HTT-AS: variants seen among roughly 807,000 people sequenced by gnomAD.
The protein encoded by HTT-AS is HTT antisense RNA (head to head).
chr4:3,059,246 C>G (rs752376897), intron 2 of HTT-AS, among the ~76,000 whole-genome samples: 1 of 152,176 alleles, frequency 6.6e-6, no homozygotes, highest in East Asian at 1.9e-4. Context: ...TCGGAGAAGG[C>G]GAATTCATCT....
At chr4:3,067,856 CT>C (rs1712084250) in intron 1 of HTT-AS, among the ~76,000 whole-genome samples, 1 of 152,202 alleles carries the variant, frequency 6.6e-6, no homozygotes, top group African/African-American at 2.4e-5. Flanking sequence ...AACAAGCAGA[CT>C]TGTCTCTCCT....
At chr4:3,073,393 C>T (rs1578472890) in intron 1 of HTT-AS, among the ~76,000 whole-genome samples, 1 of 152,234 alleles carries the variant, frequency 6.6e-6, no homozygotes, top group Non-Finnish European at 1.5e-5. Context: ...CTGCCCGCCA[C>T]GGCCTGTGTC....
chr4:3,070,768 T>C lies in HTT-AS; in HGVS notation n.113+3658A>G, dbSNP rs531661456. Among the ~76,000 whole-genome samples, 7 of 152,340 alleles carry C rather than the reference T, an allele frequency of 4.6e-5. 1 individual carries two copies. The highest frequency in any genetic ancestry group is 1.7e-4 in the African/African-American group (7 of 41,574). On this transcript the variant is annotated intron_variant and non_coding_transcript_variant, in intron 1 of 2. Transcript: ENST00000664062. Reference sequence around the variant, plus strand: ...TTGGGATTCCTTTAACTCAGCTCCTTCTGCCCAGCATCTATCTTTTTTCCA... The same window carrying C: ...TTGGGATTCCTTTAACTCAGCTCCTCCTGCCCAGCATCTATCTTTTTTCCA...
downstream of HTT-AS, among the ~76,000 whole-genome samples, chr4:3,048,040 C>T (rs529540491): frequency 4.6e-3 from 707 of 152,270 alleles, 3 homozygotes; most frequent in Non-Finnish European, 7.2e-3. Context: ...TGTCTTGTAT[C>T]CAATAAGTAA....
intron 1 of HTT-AS, among the ~76,000 whole-genome samples, chr4:3,066,605 A>C (rs918848328): frequency 6.6e-6 from 1 of 152,190 alleles, no homozygotes; most frequent in Non-Finnish European, 1.5e-5. Context: ...ACTTGGAAGT[A>C]AACCAGCTCT....
chr4:3,061,986 TA>T (rs548695397), intron 2 of HTT-AS, among the ~76,000 whole-genome samples: 6,448 of 63,294 alleles, frequency 0.1, 171 homozygotes, highest in South Asian at 0.14. Flanking sequence ...TATCTCAAAT[TA>T]AAAAAAAAAA....
At chr4:3,048,028 C>T (rs542436101), downstream of HTT-AS, among the ~76,000 whole-genome samples, 51 of 152,298 alleles carry the variant, frequency 3.3e-4, no homozygotes, top group African/African-American at 1.1e-3. Context: ...ACCCTGCCCC[C>T]TTGTCTTGTA....
At chr4:3,051,286 A>T (rs1224823371) in intron 2 of HTT-AS, among the ~76,000 whole-genome samples, 1 of 151,952 alleles carries the variant, frequency 6.6e-6, no homozygotes, top group Admixed American at 6.6e-5. Context: ...GCTGGTCTCG[A>T]ACTCCCGACC....
chr4:3,050,809 T>TG (rs144261209), intron 2 of HTT-AS, among the ~76,000 whole-genome samples: 1,745 of 152,282 alleles, frequency 0.011, 28 homozygotes, highest in African/African-American at 0.04. Context: ...ATGCTTCCCA[T>TG]GTAACTTAAC....
At chr4:3,057,123 T>G (rs1330751050) in intron 2 of HTT-AS, among the ~76,000 whole-genome samples, 2 of 151,772 alleles carry the variant, frequency 1.3e-5, no homozygotes, top group Non-Finnish European at 2.9e-5. Flanking sequence ...AACCTCTGCC[T>G]CCCGGGTTCA....
downstream of HTT-AS, among the ~76,000 whole-genome samples, chr4:3,046,603 A>G (rs957297276): frequency 1.3e-5 from 2 of 152,246 alleles, no homozygotes; most frequent in Non-Finnish European, 2.9e-5. Context: ...AACTTTAGTC[A>G]TTGATGTCAC....
At position 3,059,011 on chromosome 4, in the gene HTT-AS, C is replaced by A. The variant is rs530732973; in HGVS notation, n.1380+3423G>T. Among the ~76,000 whole-genome samples the A allele has an allele frequency of 2.0e-5, 3 of 152,290 alleles. No individual in the cohort carries two copies. The South Asian group carries it at 6.2e-4, about 32-fold the overall frequency. ...TTGGGATTACAAGCATGAGCTACCCCACCCAGCTCATTTTACATTTCCACT... is the reference window on the plus strand; with the variant it reads ...TTGGGATTACAAGCATGAGCTACCCAACCCAGCTCATTTTACATTTCCACT... On this transcript the variant is annotated intron_variant and non_coding_transcript_variant, in intron 2 of 2. Coordinates refer to ENST00000664062, the Ensembl canonical transcript of HTT-AS.
chr4:3,073,060 G>A (rs1003758840), intron 1 of HTT-AS, among the ~76,000 whole-genome samples: 30 of 152,206 alleles, frequency 2.0e-4, no homozygotes, highest in Admixed American at 7.9e-4. Context: ...CAAGAACTGG[G>A]AACTAACAGC....
chr4:3,072,955 C>T (rs1472294408), intron 1 of HTT-AS, among the ~76,000 whole-genome samples: 1 of 152,094 alleles, frequency 6.6e-6, no homozygotes, highest in East Asian at 1.9e-4. Context: ...GAGACAGTGT[C>T]GCTCTATCAC....
chr4:3,073,836 C>T (rs564384178), intron 1 of HTT-AS, among the ~76,000 whole-genome samples: 3 of 152,310 alleles, frequency 2.0e-5, no homozygotes, highest in South Asian at 4.1e-4. Context: ...CCGCAGCTGG[C>T]TCCCCGCAGG....
At chr4:3,062,326 G>A (rs12506200) in intron 2 of HTT-AS, among the ~76,000 whole-genome samples, 33,861 of 151,922 alleles carry the variant, frequency 0.22, 4,514 homozygotes, top group African/African-American at 0.37. Context: ...CAGCATGCCC[G>A]GCCTAGTCTA....
intron 1 of HTT-AS, chr4:3,070,064 CTCT>C (rs1272659379): frequency 6.6e-6 from 1 of 152,528 alleles, no homozygotes; most frequent in Non-Finnish European, 1.5e-5. Flanking sequence ...GGCCTCTTCT[CTCT>C]TCTCGGCAGG....
At chr4:3,068,305 CAAAAAAAA>C (rs759119862) in intron 1 of HTT-AS, among the ~76,000 whole-genome samples, 1 of 13,076 alleles carries the variant, frequency 7.6e-5, no homozygotes, top group African/African-American at 2.3e-4. Context: ...GACTCTGTCT[CAAAAAAAA>C]AAAAAAAAAA....
intron 1 of HTT-AS, among the ~76,000 whole-genome samples, chr4:3,064,865 C>T (rs762347018): frequency 1.4e-5 from 2 of 146,350 alleles, no homozygotes; most frequent in Non-Finnish European, 3.0e-5. Flanking sequence ...TCATACCAAT[C>T]TCTTTTATGA....
Sources: allele counts gnomAD v4.1 joint callset (sites outside exome capture counted in the v4.1 genomes callset), GRCh38; gene constraint gnomAD v4.1.1; transcripts MANE v1.5; gene names NCBI Gene and HGNC (gene_info 2026-07-23, HGNC 2026-07-21).